Variants in SGMS2 observed in about 807,000 individuals in gnomAD.
SGMS2 encodes phosphatidylcholine:ceramide cholinephosphotransferase 2.
A neutral mutation model predicts 43.8 loss-of-function variants in SGMS2; 21 were observed. The ratio of observed to expected loss-of-function variants is 0.48; its 90% CI spans 0.34 to 0.69. The LOEUF (loss-of-function observed/expected upper bound fraction) is 0.69, where lower values mean the gene tolerates loss of function less well. Ranked by LOEUF, SGMS2 falls within the 30% of genes least tolerant of loss-of-function variation. The pLI, the probability that SGMS2 is intolerant of heterozygous loss-of-function variation, is 0.01. For synonymous variants in SGMS2, 167 were observed against 160.6 expected, an observed-to-expected ratio of 1.04 and a Z score of -0.30; for missense variants, 384 against 443.2, an observed-to-expected ratio of 0.87 and a Z score of 1.20.
At chr4:107,865,067 G>C (rs1728016983) in intron 2 of SGMS2, among the ~76,000 whole-genome samples, 1 of 152,094 alleles carries the variant, frequency 6.6e-6, no homozygotes, top group Non-Finnish European at 1.5e-5. Flanking sequence ...TTCAAAAACA[G>C]CCATAAATAA....
At chr4:107,831,341 C>G (rs1007120543) in intron 1 of SGMS2, among the ~76,000 whole-genome samples, 1 of 152,310 alleles carries the variant, frequency 6.6e-6, no homozygotes, top group African/African-American at 2.4e-5. Flanking sequence ...GAGGTGAACC[C>G]TGACAGGCTT....
intron 2 of SGMS2, among the ~76,000 whole-genome samples, chr4:107,881,413 A>G (rs1284699576): frequency 6.6e-6 from 1 of 152,016 alleles, no homozygotes; most frequent in Non-Finnish European, 1.5e-5. Flanking sequence ...AGGCTCTGCT[A>G]CTTCCTCTCT....
At position 107,912,688 on chromosome 4, in the gene SGMS2, T is replaced by C. The variant is rs1732200546; in HGVS notation, c.*2135T>C. 6.6e-6 allele frequency: 1 copy of C among 152,122 alleles called. No homozygotes were observed. Among genetic ancestry groups the C allele is most frequent in the Admixed American group, 6.6e-5 (1 of 15,262 alleles). 9.4% of individuals were successfully genotyped at this position (152,122 alleles called of 1,614,324 possible). A position where few individuals can be genotyped will look rare whatever the true frequency, so the allele number is the denominator to read the frequency against. ...ATTGAATAAGAAAAAGTGTTTAAAC[T>C]TAATAAAATAAAAAATTGTGCACCA... is the stretch of plus-strand genomic sequence containing the variant. On this transcript the variant is annotated 3_prime_UTR_variant, in exon 7 of 7. Coordinates refer to ENST00000690982, the MANE Select transcript of SGMS2 (RefSeq NM_001375905.1).
At chr4:107,833,850 A>G (rs1726026303) in intron 1 of SGMS2, among the ~76,000 whole-genome samples, 2 of 152,210 alleles carry the variant, frequency 1.3e-5, no homozygotes, top group African/African-American at 4.8e-5. Flanking sequence ...CAGAAGAGTC[A>G]CAGCAGGAGA....
At chr4:107,858,952 C>T (rs1455951863) in intron 2 of SGMS2, among the ~76,000 whole-genome samples, 1 of 152,172 alleles carries the variant, frequency 6.6e-6, no homozygotes, top group Non-Finnish European at 1.5e-5. Context: ...GTCAGCCATG[C>T]ACCTTTCAGC....
intron 6 of SGMS2, 86 bp from the exon 7 acceptor site, chr4:107,910,264 T>G: frequency 8.8e-7 from 1 of 1,141,236 alleles, no homozygotes; most frequent in South Asian, 1.4e-5. Context: ...TTTCCCTAGG[T>G]TACAGTGAAT....
At chr4:107,834,779 G>A (rs368670116) in intron 1 of SGMS2, among the ~76,000 whole-genome samples, 2 of 152,206 alleles carry the variant, frequency 1.3e-5, no homozygotes, top group Non-Finnish European at 2.9e-5. Context: ...GCTCATGCCT[G>A]TAATCCCAGT....
intron 1 of SGMS2, among the ~76,000 whole-genome samples, chr4:107,826,638 T>G (rs1458284097): frequency 6.6e-6 from 1 of 151,594 alleles, no homozygotes; most frequent in Non-Finnish European, 1.5e-5. Flanking sequence ...TACTTCACAA[T>G]AGTCTGGTTG....
At chr4:107,883,918 TTTGTC>T (rs1729553141) in intron 2 of SGMS2, among the ~76,000 whole-genome samples, 1 of 152,202 alleles carries the variant, frequency 6.6e-6, no homozygotes, top group African/African-American at 2.4e-5. Flanking sequence ...CCTACCATGA[TTTGTC>T]TTTAGTAAAA....
rs1053747904 is a variant in SGMS2 at position 107,914,793 on chromosome 4, T to G, written c.*4240T>G. On this transcript the variant is annotated 3_prime_UTR_variant, in exon 7 of 7. Transcript: ENST00000690982. Reference sequence around the variant, plus strand: ...TGATAAAGAGGAAATTTGTTTTCCATGCTTGTGATTTTGTGTTTGTAAACA... The same window carrying G: ...TGATAAAGAGGAAATTTGTTTTCCAGGCTTGTGATTTTGTGTTTGTAAACA... 3.3e-5 allele frequency: 5 copies of G among 152,184 alleles called. No individual in the cohort carries two copies. The highest frequency in any genetic ancestry group is 2.9e-5 in the Non-Finnish European group (2 of 68,010). The allele number at this position is 152,184 out of a possible 1,614,324, so 9.4% of individuals were successfully genotyped here. A position where few individuals can be genotyped will look rare whatever the true frequency, so the allele number is the denominator to read the frequency against.
intron 1 of SGMS2, among the ~76,000 whole-genome samples, chr4:107,856,547 T>A (rs1727439215): frequency 6.6e-6 from 1 of 152,200 alleles, no homozygotes. Flanking sequence ...CAAAAGCAAC[T>A]ATCTGCTTTA....
chr4:107,908,459 G>A (rs1731800438), intron 5 of SGMS2, 106 bp from the exon 6 acceptor site: 3 of 1,111,312 alleles, frequency 2.7e-6, no homozygotes, highest in Non-Finnish European at 3.9e-6. Context: ...TCCTTCTGGT[G>A]ACTTCCTGAT....
At chr4:107,829,692 G>A (rs1172157179) in intron 1 of SGMS2, among the ~76,000 whole-genome samples, 2 of 152,010 alleles carry the variant, frequency 1.3e-5, no homozygotes, top group Admixed American at 1.3e-4. Context: ...TCTTTTATAT[G>A]TACAGTCTTT....
chr4:107,876,324 A>G (rs1417514343), intron 2 of SGMS2, among the ~76,000 whole-genome samples: 1 of 152,180 alleles, frequency 6.6e-6, no homozygotes, highest in Non-Finnish European at 1.5e-5. Context: ...GCCATCCGCT[A>G]TAACCACCAA....
Position 107,912,291 on chromosome 4 carries a change from T to C in SGMS2, c.*1738T>C, listed in dbSNP as rs1732172969. 6.6e-6 allele frequency: 1 copy of C among 152,186 alleles called. No individual in the cohort carries two copies. The highest frequency in any genetic ancestry group is 6.6e-5 in the Admixed American group (1 of 15,266). 9.4% of individuals were successfully genotyped at this position (152,186 alleles called of 1,614,324 possible). Reference sequence around the variant, plus strand: ...AGCAAGACTCTTTAATTCAGTTATTTTAAACAAGAATTAAAACCCCAAACA... The same window carrying C: ...AGCAAGACTCTTTAATTCAGTTATTCTAAACAAGAATTAAAACCCCAAACA... On this transcript the variant is annotated 3_prime_UTR_variant, in exon 7 of 7. Transcript: ENST00000690982.
chr4:107,864,812 T>C (rs1578556134), intron 2 of SGMS2, among the ~76,000 whole-genome samples: 1 of 152,190 alleles, frequency 6.6e-6, no homozygotes, highest in Non-Finnish European at 1.5e-5. Flanking sequence ...CTGAATTTAA[T>C]GTTGAAGGTA....
chr4:107,907,436 A>G (rs1265373341), intron 5 of SGMS2: 1 of 152,060 alleles, frequency 6.6e-6, no homozygotes, highest in Non-Finnish European at 1.5e-5. Context: ...ACATGGTGAA[A>G]CCCCATCTCT....
chr4:107,841,606 T>A (rs1168070601), intron 1 of SGMS2, among the ~76,000 whole-genome samples: 1 of 152,138 alleles, frequency 6.6e-6, no homozygotes. Flanking sequence ...ATGCTACTTA[T>A]CATGGTACTT....
At chr4:107,886,715 A>G (rs764601729) in intron 2 of SGMS2, 1 of 152,092 alleles carries the variant, frequency 6.6e-6, no homozygotes, top group African/African-American at 2.4e-5. Context: ...GTATGAGGCC[A>G]GTTTTCCCAA....
Sources: gnomAD v4.1 joint callset for allele counts (sites outside exome capture counted in the v4.1 genomes callset) on GRCh38, gnomAD v4.1.1 for gene constraint, MANE v1.5 for transcripts, NCBI Gene and HGNC (gene_info 2026-07-23, HGNC 2026-07-21) for gene names.